Variants in CDH22 observed in about 807,000 individuals in gnomAD.
The protein encoded by CDH22 is cadherin 22.
Under a neutral mutation model 58.4 loss-of-function variants are expected in CDH22, and 30 were observed. That is an observed-to-expected ratio of 0.51 (90% CI 0.38 to 0.70). CDH22 has a LOEUF of 0.70. Among genes scored for constraint, CDH22 ranks in the 30% least tolerant of loss-of-function variants. The pLI is 0.00. For missense variants in CDH22, 1,014 were observed against 1,233.9 expected (o/e 0.82, Z 2.67); for synonymous variants, 513 against 558.2 (o/e 0.92, Z 1.14).
intron 7 of CDH22, among the ~76,000 whole-genome samples, chr20:46,200,445 ATT>A (rs557626664): frequency 1.5e-4 from 20 of 130,464 alleles, no homozygotes; most frequent in African/African-American, 2.9e-4. Flanking sequence ...CGCCCAGCTA[ATT>A]TTTTTTTTTT....
At chr20:46,292,988 C>A (rs1418693569) in intron 1 of CDH22, among the ~76,000 whole-genome samples, 1 of 151,636 alleles carries the variant, frequency 6.6e-6, no homozygotes, top group African/African-American at 2.4e-5. Context: ...AGAGTCCTTG[C>A]AGACAGATCC....
chr20:46,252,394 C>G (rs1299378498), intron 1 of CDH22, among the ~76,000 whole-genome samples: 1 of 152,194 alleles, frequency 6.6e-6, no homozygotes, highest in Non-Finnish European at 1.5e-5. Context: ...TTCCCAGAGT[C>G]CGAGAGACAT....
chr20:46,299,375 C>T (rs2086641464), intron 1 of CDH22, among the ~76,000 whole-genome samples: 1 of 152,250 alleles, frequency 6.6e-6, no homozygotes, highest in African/African-American at 2.4e-5. Context: ...GAGTCAAGCG[C>T]ATCACTTCCT....
chr20:46,230,655 T>C (rs945591970), intron 3 of CDH22, among the ~76,000 whole-genome samples: 4 of 152,254 alleles, frequency 2.6e-5, no homozygotes, highest in Non-Finnish European at 5.9e-5. Flanking sequence ...TAAGCCCTTT[T>C]TGTATATGAT....
At chr20:46,272,307 T>A (rs886417137) in intron 1 of CDH22, among the ~76,000 whole-genome samples, 3 of 152,184 alleles carry the variant, frequency 2.0e-5, no homozygotes, top group African/African-American at 7.2e-5. Context: ...AGTTCCTTTT[T>A]GGATGTGTTA....
At chr20:46,230,266 T>A (rs1461546567) in intron 3 of CDH22, among the ~76,000 whole-genome samples, 1 of 152,164 alleles carries the variant, frequency 6.6e-6, no homozygotes, top group Non-Finnish European at 1.5e-5. Flanking sequence ...ACCAGCTCTG[T>A]GATATAGACG....
At position 46,174,955 on chromosome 20, in the gene CDH22, T is replaced by C; in HGVS notation, c.2038A>G (p.Thr680Ala). ...YNDEGGGEQD[T>A]EAYDMSALRS... The stretch of plus-strand genomic sequence containing the variant: ...AGCGCCGACATGTCGTAGGCTTCGG[T>C]GTCCTGCTCGCCGCCGCCTTCGTCG... The change falls in exon 12 of 12, where the codon ACC (threonine) becomes GCC (alanine). Residue 680 changes from threonine (T) to alanine (A), a missense_variant. Around this residue, in one of 2 missense-constraint regions of CDH22, gnomAD observed 806 missense variants for 1,038.7 expected, o/e 0.78. Transcript: ENST00000537909. The surrounding 1 kb of genome is among the most constrained non-coding windows in gnomAD (Gnocchi z 4.4). 2 of 1,563,236 alleles carry C rather than the reference T, an allele frequency of 1.3e-6. No individual in the cohort carries two copies. The highest frequency in any genetic ancestry group is 2.2e-5 in the South Asian group (2 of 90,320).
intron 3 of CDH22, among the ~76,000 whole-genome samples, chr20:46,238,740 C>G (rs2145724121): frequency 6.6e-6 from 1 of 152,342 alleles, no homozygotes; most frequent in Non-Finnish European, 1.5e-5. Flanking sequence ...AAAAGGCAAC[C>G]TCTTTTCAAC....
At chr20:46,214,804 A>G (rs1284401849) in intron 5 of CDH22, among the ~76,000 whole-genome samples, 1 of 152,016 alleles carries the variant, frequency 6.6e-6, no homozygotes, top group African/African-American at 2.4e-5. Flanking sequence ...AGCTTATCCC[A>G]TTGTTAGAAT....
In CDH22 at chr20:46,230,033, G is replaced by A. The variant is rs75612661; in HGVS notation, c.551-2406C>T. ...AATGCCGACATGTGGGAATGGTAAA[G>A]GGTCAGTGATTCACCACTGGTTTCC... On this transcript the variant is annotated intron_variant, in intron 3 of 11. Transcript: ENST00000537909. Among the ~76,000 whole-genome samples, 671 of 152,238 alleles carry A rather than the reference G, an allele frequency of 4.4e-3. 8 individuals are homozygous for A. Among genetic ancestry groups the A allele is most frequent in the African/African-American group, 0.015 (641 of 41,528 alleles).
chr20:46,296,354 T>C (rs1355716928), intron 1 of CDH22, among the ~76,000 whole-genome samples: 1 of 152,224 alleles, frequency 6.6e-6, no homozygotes, highest in East Asian at 1.9e-4. Context: ...ACACTCCTCA[T>C]TTTACAGATG....
chr20:46,244,276 C>T (rs542464921), intron 2 of CDH22, among the ~76,000 whole-genome samples: 3 of 152,150 alleles, frequency 2.0e-5, no homozygotes, highest in East Asian at 3.8e-4. Context: ...ACAGAGCTCA[C>T]GCTGGGGCCT....
chr20:46,289,455 G>A lies in CDH22; in HGVS notation c.-400+18800C>T, dbSNP rs142019756. On this transcript the variant is annotated intron_variant, in intron 1 of 11. Coordinates refer to ENST00000537909, the MANE Select transcript of CDH22 (RefSeq NM_021248.3). ...CTGTATTCCCAGCATTTAGAACAGC[G>A]CATGGCACATAATAGGTGCTCAGTG... Among the ~76,000 whole-genome samples, 128 of 152,280 alleles carry A rather than the reference G, an allele frequency of 8.4e-4. 1 individual carries two copies. The highest frequency in any genetic ancestry group is 6.0e-3 in the Admixed American group (91 of 15,294).
intron 1 of CDH22, among the ~76,000 whole-genome samples, chr20:46,272,188 G>A (rs111665864): frequency 0.024 from 3,627 of 152,176 alleles, 96 homozygotes; most frequent in African/African-American, 0.063. Context: ...TTCTAATTCC[G>A]TCCAGAAGTT....
At chr20:46,181,615 C>CCCTCCCTCCCTCCCTTCCTTCCTTCTT (rs2085784674) in intron 10 of CDH22, among the ~76,000 whole-genome samples, 1 of 132,786 alleles carries the variant, frequency 7.5e-6, no homozygotes, top group South Asian at 3.0e-4. Context: ...TTCCTTCCCT[C>CCCTCCCTCCCTCCCTTCCTTCCTTCTT]CCTCCCTCCC....
chr20:46,179,972 T>C (rs1568649057), intron 10 of CDH22, among the ~76,000 whole-genome samples: 1 of 148,450 alleles, frequency 6.7e-6, no homozygotes. Flanking sequence ...ATGCTCCAGC[T>C]AAATGTCACC....
intron 3 of CDH22, among the ~76,000 whole-genome samples, chr20:46,233,318 T>A (rs2086232153): frequency 6.6e-6 from 1 of 152,190 alleles, no homozygotes; most frequent in Admixed American, 6.5e-5. Flanking sequence ...ACTGTGTGTG[T>A]GTGGATCTGC....
At chr20:46,233,342 G>A (rs2086232350) in intron 3 of CDH22, among the ~76,000 whole-genome samples, 1 of 151,480 alleles carries the variant, frequency 6.6e-6, no homozygotes, top group Non-Finnish European at 1.5e-5. Context: ...GTCCTCCTGA[G>A]AGAGAGCACT....
Position 46,216,872 on chromosome 20 carries a change from G to C in CDH22, c.792C>G (p.Thr264=). 1 of 1,609,230 alleles carries C rather than the reference G, an allele frequency of 6.2e-7. No individual in the cohort carries two copies. Among genetic ancestry groups the C allele is most frequent in the Non-Finnish European group, 8.5e-7 (1 of 1,176,092 alleles). Residue 264 remains threonine, a synonymous_variant, in exon 5 of 12, where the codon ACC becomes ACG. Coordinates refer to ENST00000537909, the MANE Select transcript of CDH22 (RefSeq NM_021248.3). The surrounding 1 kb of genome is among the most constrained non-coding windows in gnomAD (Gnocchi z 5.3). ...LGGLSGSTTV[T]IVVTDVNDNP... Reference sequence around the variant, plus strand: ...TGTCATTGACGTCGGTGACTACGATGGTGACGGTAGTGGAGCCCGAGAGGC... The same window carrying C: ...TGTCATTGACGTCGGTGACTACGATCGTGACGGTAGTGGAGCCCGAGAGGC...
Sources: gnomAD v4.1 joint callset for allele counts (sites outside exome capture counted in the v4.1 genomes callset) on GRCh38, gnomAD v4.1.1 for gene constraint, gnomAD v4.1.1 regional missense constraint, Gnocchi (gnomAD v3.1) non-coding constraint, MANE v1.5 for transcripts, NCBI Gene and HGNC (gene_info 2026-07-23, HGNC 2026-07-21) for gene names.